The following FGF14 variants were observed in gnomAD, a reference collection of about 807,000 sequenced individuals.
The protein encoded by FGF14 is fibroblast growth factor homologous factor 4.
A neutral mutation model predicts 25.5 loss-of-function variants in FGF14; 5 were observed. That is an observed-to-expected ratio of 0.20 (90% CI 0.10 to 0.41). FGF14 has a LOEUF of 0.41. Ranked by LOEUF, FGF14 falls within the 10% of genes least tolerant of loss-of-function variation. FGF14 has a pLI of 1.00. For missense variants in FGF14, 222 were observed against 320.1 expected (o/e 0.69, Z 2.34); for synonymous variants, 138 against 118.3 (o/e 1.17, Z -1.08).
intron 1 of FGF14, chr13:102,299,973 A>T (rs572953069): frequency 6.6e-6 from 1 of 152,292 alleles, no homozygotes; most frequent in South Asian, 2.1e-4. Context: ...AACTTCTGGG[A>T]TATGTGTATT....
At chr13:102,069,469 G>A (rs530212493) in intron 1 of FGF14, among the ~76,000 whole-genome samples, 7 of 152,232 alleles carry the variant, frequency 4.6e-5, no homozygotes, top group Admixed American at 3.3e-4. Flanking sequence ...TTGTTCTTTC[G>A]CTCTTTGCAA....
chr13:101,903,695 A>G, intron 1 of FGF14, among the ~76,000 whole-genome samples: 1 of 152,178 alleles, frequency 6.6e-6, no homozygotes, highest in Admixed American at 6.5e-5. Flanking sequence ...ATGATTAACC[A>G]ACTATTTTCA....
intron 1 of FGF14, among the ~76,000 whole-genome samples, chr13:102,202,376 T>A (rs1217835897): frequency 6.6e-6 from 1 of 152,126 alleles, no homozygotes; most frequent in Non-Finnish European, 1.5e-5. Flanking sequence ...GTAACACTAG[T>A]TCTCATTCCC....
intron 1 of FGF14, among the ~76,000 whole-genome samples, chr13:101,956,049 CA>C (rs2036494765): frequency 6.6e-6 from 1 of 152,136 alleles, no homozygotes. Context: ...AAGGAAGAAA[CA>C]AAGTGGTCTA....
chr13:102,352,428 G>T (rs538272769), intron 1 of FGF14, among the ~76,000 whole-genome samples: 63 of 152,166 alleles, frequency 4.1e-4, no homozygotes, highest in African/African-American at 1.5e-3. Context: ...TTTAATAAAT[G>T]GCTCATAAAC....
intron 3 of FGF14, among the ~76,000 whole-genome samples, chr13:101,771,945 A>C (rs184219110): frequency 6.6e-6 from 1 of 152,168 alleles, no homozygotes; most frequent in Admixed American, 6.6e-5. Context: ...ATGTTGTCAA[A>C]CAGATGTTAT....
intron 3 of FGF14, among the ~76,000 whole-genome samples, chr13:101,866,842 G>A (rs941723575): frequency 3.9e-5 from 6 of 152,140 alleles, no homozygotes; most frequent in African/African-American, 1.4e-4. Context: ...ACAGTGGCCT[G>A]GCCTAGGCAC....
At chr13:102,020,611 C>G (rs1358577411) in intron 1 of FGF14, among the ~76,000 whole-genome samples, 1 of 151,872 alleles carries the variant, frequency 6.6e-6, no homozygotes, top group Non-Finnish European at 1.5e-5. Context: ...GCAGAAATGT[C>G]AGACAAAGAG....
At chr13:102,065,434 C>T (rs749395176) in intron 1 of FGF14, among the ~76,000 whole-genome samples, 8 of 152,040 alleles carry the variant, frequency 5.3e-5, no homozygotes, top group Non-Finnish European at 1.0e-4. Context: ...GTTTAAAACA[C>T]TCCAAGATAT....
intron 1 of FGF14, among the ~76,000 whole-genome samples, chr13:102,153,624 T>G (rs149733663): frequency 4.9e-4 from 75 of 152,344 alleles, no homozygotes; most frequent in African/African-American, 1.8e-3. Flanking sequence ...ATGTATACAA[T>G]TTACCCTATT....
At chr13:101,928,672 A>G (rs1227943322) in intron 1 of FGF14, among the ~76,000 whole-genome samples, 3 of 152,112 alleles carry the variant, frequency 2.0e-5, no homozygotes, top group African/African-American at 2.4e-5. Context: ...CATGGAGGTT[A>G]GGTAATTTGC....
chr13:101,787,904 T>G (rs573507161), intron 3 of FGF14, among the ~76,000 whole-genome samples: 3 of 152,300 alleles, frequency 2.0e-5, no homozygotes, highest in African/African-American at 7.2e-5. Flanking sequence ...AGAGTTTAGC[T>G]CTTATTGCCC....
At chr13:101,810,068 T>G (rs562855454) in intron 3 of FGF14, among the ~76,000 whole-genome samples, 1 of 152,308 alleles carries the variant, frequency 6.6e-6, no homozygotes, top group Non-Finnish European at 1.5e-5. Context: ...ACAATTGTAC[T>G]AAGACATAAT....
At chr13:101,898,385 G>A (rs1164131528) in intron 1 of FGF14, among the ~76,000 whole-genome samples, 1 of 118,872 alleles carries the variant, frequency 8.4e-6, no homozygotes, top group Non-Finnish European at 1.7e-5. Flanking sequence ...CATATCCCCA[G>A]AAATGAGTAT....
At chr13:102,004,036 G>T (rs779680649) in intron 1 of FGF14, among the ~76,000 whole-genome samples, 66 of 152,240 alleles carry the variant, frequency 4.3e-4, no homozygotes, top group Non-Finnish European at 8.4e-4. Context: ...CAGGAAAGTT[G>T]CCAAGTTGAT....
At chr13:102,128,955 C>G (rs56265521) in intron 1 of FGF14, among the ~76,000 whole-genome samples, 10 of 151,914 alleles carry the variant, frequency 6.6e-5, no homozygotes, top group Admixed American at 2.0e-4. Flanking sequence ...TTGTGGCAGG[C>G]GCCTGTAATC....
At chr13:102,010,690 T>G (rs1451998792) in intron 1 of FGF14, among the ~76,000 whole-genome samples, 1 of 152,172 alleles carries the variant, frequency 6.6e-6, no homozygotes, top group Non-Finnish European at 1.5e-5. Context: ...ATATGTTAAC[T>G]TCCCTTGATT....
At chr13:101,886,841 CA>C (rs1566378283) in intron 1 of FGF14, among the ~76,000 whole-genome samples, 1 of 151,872 alleles carries the variant, frequency 6.6e-6, no homozygotes, top group Non-Finnish European at 1.5e-5. Flanking sequence ...TTGAACAATT[CA>C]ACAACAACAA....
intron 1 of FGF14, among the ~76,000 whole-genome samples, chr13:101,911,129 C>T (rs910454529): frequency 2.0e-5 from 3 of 151,990 alleles, no homozygotes; most frequent in East Asian, 3.9e-4. Flanking sequence ...GAAGACGTAA[C>T]TTTACACCAA....
Sources: allele counts gnomAD v4.1 joint callset (sites outside exome capture counted in the v4.1 genomes callset), GRCh38; gene constraint gnomAD v4.1.1; transcripts MANE v1.5; gene names NCBI Gene and HGNC (gene_info 2026-07-23, HGNC 2026-07-21).